ACOT13: variants seen among roughly 807,000 people sequenced by gnomAD.
ACOT13 encodes acyl-coenzyme A thioesterase 13.
A neutral mutation model predicts 11.8 loss-of-function variants in ACOT13; 10 were observed. The observed-to-expected ratio is 0.85, with a 90% CI of 0.53 to 1.44. The LOEUF (loss-of-function observed/expected upper bound fraction) is 1.44, where lower values mean the gene tolerates loss of function less well. ACOT13 is among the 40% of genes most tolerant of loss of function. The pLI, the probability that ACOT13 is intolerant of heterozygous loss-of-function variation, is 0.00. For synonymous variants in ACOT13, 53 were observed against 61.0 expected, an observed-to-expected ratio of 0.87 and a Z score of 0.61; for missense variants, 172 against 174.1, an observed-to-expected ratio of 0.99 and a Z score of 0.07.
chr6:24,691,540 C>T (rs555081194), intron 1 of ACOT13, among the ~76,000 whole-genome samples: 14 of 152,246 alleles, frequency 9.2e-5, no homozygotes, highest in African/African-American at 2.9e-4. Context: ...ATCCACCCCC[C>T]ACCCTGCCCC....
intron 1 of ACOT13, among the ~76,000 whole-genome samples, chr6:24,679,192 C>T (rs1778506888): frequency 6.6e-6 from 1 of 152,176 alleles, no homozygotes; most frequent in Non-Finnish European, 1.5e-5. Context: ...ACTCCAAAGT[C>T]CGCTTGCCTG....
intron 1 of ACOT13, 75 bp downstream of exon 1, chr6:24,667,419 G>A: frequency 2.2e-6 from 3 of 1,341,498 alleles, no homozygotes; most frequent in Non-Finnish European, 3.2e-6. Context: ...GCCGTTGTGA[G>A]CTTTGAATAA....
chr6:24,671,808 T>G (rs1778371163), intron 1 of ACOT13, among the ~76,000 whole-genome samples: 1 of 152,222 alleles, frequency 6.6e-6, no homozygotes, highest in African/African-American at 2.4e-5. Flanking sequence ...ACCTCTCCTC[T>G]GTAGCACACA....
In ACOT13 at chr6:24,697,781, C is replaced by CT. The variant is rs1778818560; in HGVS notation, c.82-96dup. ...CAATTTACTTGAATTTCTGAGTCAA[C>CT]TTTTTTCAGAAGATTCAGTTCAATC... On this transcript the variant is annotated intron_variant, in intron 1 of 2. Transcript: ENST00000230048. The CT allele has an allele frequency of 2.8e-5, 26 of 940,102 alleles. No homozygotes were observed. The South Asian group carries it at 6.4e-4, about 23-fold the overall frequency. The allele number at this position is 940,102 out of a possible 1,614,324, so 58.2% of individuals were successfully genotyped here. A position where few individuals can be genotyped will look rare whatever the true frequency, so the allele number is the denominator to read the frequency against.
At chr6:24,671,744 C>T (rs1778370249) in intron 1 of ACOT13, among the ~76,000 whole-genome samples, 1 of 152,094 alleles carries the variant, frequency 6.6e-6, no homozygotes, top group African/African-American at 2.4e-5. Flanking sequence ...GCGTGGATGA[C>T]TAAAAGTTTT....
At chr6:24,670,766 A>G (rs1211130727) in intron 1 of ACOT13, among the ~76,000 whole-genome samples, 1 of 152,190 alleles carries the variant, frequency 6.6e-6, no homozygotes, top group Non-Finnish European at 1.5e-5. Context: ...AAAAGTTTCA[A>G]GGCTCTGAAA....
chr6:24,667,360 G>A lies in ACOT13; in HGVS notation c.81+16G>A, dbSNP rs202232519. 1.9e-5 allele frequency: 30 copies of A among 1,613,122 alleles called. No individual in the cohort carries two copies. Among genetic ancestry groups the A allele is most frequent in the Non-Finnish European group, 2.4e-5 (28 of 1,179,362 alleles). ...TTTGGGAAAGGTATGGGAAAGGTAG[G>A]GGAGAAGCCGTGGCTTCTAATGAAG... On this transcript the variant is annotated intron_variant, in intron 1 of 2. Transcript: ENST00000230048.
chr6:24,702,702 A>G lies in ACOT13; in HGVS notation c.*1087A>G, dbSNP rs1778913391. 1 of 152,188 alleles carries G rather than the reference A, an allele frequency of 6.6e-6. No individual in the cohort carries two copies. 9.4% of individuals were successfully genotyped at this position (152,188 alleles called of 1,614,324 possible). ...TGAAAAATAAAATAGATTGAGCCAT[A>G]TGCCTAAAAAAGACCTCAAGAAAAG... On this transcript the variant is annotated 3_prime_UTR_variant, in exon 3 of 3. Transcript: ENST00000230048.
intron 1 of ACOT13, among the ~76,000 whole-genome samples, chr6:24,680,480 T>C (rs12206067): frequency 0.39 from 59,326 of 151,396 alleles, 12,622 homozygotes; most frequent in Non-Finnish European, 0.5. Flanking sequence ...TGAGCATTAG[T>C]CCTAAAGCAT....
At chr6:24,698,697 G>A (rs1445545413) in intron 2 of ACOT13, among the ~76,000 whole-genome samples, 6 of 150,168 alleles carry the variant, frequency 4.0e-5, no homozygotes, top group African/African-American at 9.8e-5. Flanking sequence ...GGAGTGCAGC[G>A]GCACAATCTG....
rs9461051 is a variant in ACOT13 at position 24,702,008 on chromosome 6, G to T, written c.*393G>T. ...AAATTTTTCATGGTTCTAGAAGCTG[G>T]AAAGTCCTGGGTCAAGGCCCAGCAG... is the stretch of plus-strand genomic sequence containing the variant. On this transcript the variant is annotated 3_prime_UTR_variant, in exon 3 of 3. Coordinates refer to ENST00000230048, the MANE Select transcript of ACOT13 (RefSeq NM_018473.4). The T allele has an allele frequency of 0.043, 6,745 of 156,404 alleles. 412 individuals carry two copies. Among genetic ancestry groups the T allele is most frequent in the African/African-American group, 0.14 (5,634 of 41,576 alleles). 9.7% of individuals were successfully genotyped at this position (156,404 alleles called of 1,614,324 possible). A position where few individuals can be genotyped will look rare whatever the true frequency, so the allele number is the denominator to read the frequency against.
chr6:24,681,227 CAAG>C (rs1208999593), intron 1 of ACOT13, among the ~76,000 whole-genome samples: 8 of 152,258 alleles, frequency 5.3e-5, no homozygotes, highest in African/African-American at 1.4e-4. Context: ...GGTGTGCTCA[CAAG>C]AAGGTTTCCT....
intron 1 of ACOT13, 63 bp downstream of exon 1, chr6:24,667,407 G>C: frequency 6.8e-7 from 1 of 1,462,704 alleles, no homozygotes; most frequent in Non-Finnish European, 9.5e-7. Flanking sequence ...ACCGTGCTTG[G>C]TGCCGTTGTG....
intron 1 of ACOT13, among the ~76,000 whole-genome samples, chr6:24,675,572 G>A (rs1386365936): frequency 6.6e-6 from 1 of 152,054 alleles, no homozygotes; most frequent in Admixed American, 6.6e-5. Context: ...CTTTTCGATG[G>A]GGTTGTTTGA....
intron 1 of ACOT13, among the ~76,000 whole-genome samples, chr6:24,686,635 C>A (rs1211371074): frequency 1.4e-5 from 2 of 146,592 alleles, no homozygotes; most frequent in African/African-American, 5.1e-5. Flanking sequence ...TTCTCTTTCA[C>A]TCTTTCTCTC....
chr6:24,703,996 C>T lies in ACOT13; in HGVS notation c.*2381C>T, dbSNP rs1349916161. ...GTTCCACATTAAAGACAACTGAGAA[C>T]AACTAAATTCAATGATCCTGTACTC... On this transcript the variant is annotated 3_prime_UTR_variant, in exon 3 of 3. Coordinates refer to ENST00000230048, the MANE Select transcript of ACOT13 (RefSeq NM_018473.4). 6.6e-6 allele frequency: 1 copy of T among 152,098 alleles called. No homozygotes were observed. The highest frequency in any genetic ancestry group is 1.5e-5 in the Non-Finnish European group (1 of 68,018). The allele number at this position is 152,098 out of a possible 1,614,324, so 9.4% of individuals were successfully genotyped here.
At chr6:24,669,157 G>T (rs567564566) in intron 1 of ACOT13, among the ~76,000 whole-genome samples, 5 of 152,362 alleles carry the variant, frequency 3.3e-5, no homozygotes, top group African/African-American at 1.2e-4. Context: ...GGTTGAGGAT[G>T]CGCACGCAGT....
chr6:24,695,044 C>T (rs1446160089), intron 1 of ACOT13, among the ~76,000 whole-genome samples: 2 of 152,190 alleles, frequency 1.3e-5, no homozygotes. Flanking sequence ...CGCGGTGGCT[C>T]ATGCCTGTAA....
rs115005042 is a variant in ACOT13 at position 24,694,772 on chromosome 6, T to A, written c.82-3111T>A. ...TGAGGAGACAAGAATTGAGAACATA[T>A]AAAGGCATTTATATTGCCATATCAG... On this transcript the variant is annotated intron_variant, in intron 1 of 2. Coordinates refer to ENST00000230048, the MANE Select transcript of ACOT13 (RefSeq NM_018473.4). 5.4e-3 allele frequency among the ~76,000 whole-genome samples: 821 copies of A among 152,304 alleles called. 10 individuals carry two copies. Among genetic ancestry groups the A allele is most frequent in the African/African-American group, 0.018 (768 of 41,566 alleles).
Sources: gnomAD v4.1 joint callset for allele counts (sites outside exome capture counted in the v4.1 genomes callset) on GRCh38, gnomAD v4.1.1 for gene constraint, MANE v1.5 for transcripts, NCBI Gene and HGNC (gene_info 2026-07-23, HGNC 2026-07-21) for gene names.